Variants in PAPPA2 observed in about 807,000 individuals in gnomAD.
The protein encoded by PAPPA2 is pappalysin 2.
PAPPA2 carries 86 observed loss-of-function variants against 176.4 expected under a neutral mutation model. That is an observed-to-expected ratio of 0.49 (90% CI 0.41 to 0.58). PAPPA2 has a LOEUF of 0.58. PAPPA2 is among the 20% of genes least tolerant of loss of function. The pLI is 0.00. For missense variants in PAPPA2, 2,073 were observed against 2,256.9 expected (o/e 0.92, Z 1.65); for synonymous variants, 809 against 852.2 (o/e 0.95, Z 0.88).
At chr1:176,630,096 A>G (rs866063705) in intron 3 of PAPPA2, among the ~76,000 whole-genome samples, 16 of 152,132 alleles carry the variant, frequency 1.1e-4, no homozygotes, top group African/African-American at 3.6e-4. Context: ...TGTCAAATAT[A>G]TGCCGACTAA....
intron 2 of PAPPA2, among the ~76,000 whole-genome samples, chr1:176,588,805 C>T (rs1653481751): frequency 6.6e-6 from 1 of 152,154 alleles, no homozygotes; most frequent in South Asian, 2.1e-4. Flanking sequence ...TGTGGGCATA[C>T]AGCTGCTTGG....
At chr1:176,575,893 G>A (rs183381253) in intron 2 of PAPPA2, among the ~76,000 whole-genome samples, 1 of 152,274 alleles carries the variant, frequency 6.6e-6, no homozygotes, top group African/African-American at 2.4e-5. Context: ...CATACATATT[G>A]TCCCAGAACT....
intron 1 of PAPPA2, among the ~76,000 whole-genome samples, chr1:176,464,688 C>G (rs1325213183): frequency 6.6e-6 from 1 of 152,188 alleles, no homozygotes; most frequent in Admixed American, 6.5e-5. Flanking sequence ...GGACATGGCT[C>G]TCCGCATAGT....
chr1:176,661,172 A>G (rs1658339395), intron 3 of PAPPA2, among the ~76,000 whole-genome samples: 1 of 152,078 alleles, frequency 6.6e-6, no homozygotes, highest in African/African-American at 2.4e-5. Flanking sequence ...CCTTTCTACC[A>G]TGAGAATGAA....
chr1:176,765,563 TTC>T, intron 14 of PAPPA2, 101 bp from the exon 15 acceptor site: 1 of 1,111,948 alleles, frequency 9.0e-7, no homozygotes, highest in South Asian at 1.5e-5. Flanking sequence ...GAGAAAATTG[TTC>T]TCTCTGGTTT....
At chr1:176,717,766 A>G (rs1661443664) in intron 12 of PAPPA2, among the ~76,000 whole-genome samples, 1 of 152,242 alleles carries the variant, frequency 6.6e-6, no homozygotes, top group Admixed American at 6.5e-5. Context: ...TTCTGTTACT[A>G]TATTAACTCA....
At chr1:176,564,452 CTT>C (rs1000917083) in intron 2 of PAPPA2, among the ~76,000 whole-genome samples, 6 of 152,320 alleles carry the variant, frequency 3.9e-5, no homozygotes, top group African/African-American at 1.4e-4. Flanking sequence ...TCCAATAAAA[CTT>C]TATTCACAAA....
In PAPPA2 at chr1:176,699,120, C is replaced by A. The variant is rs765962496; in HGVS notation, c.2767C>A (p.Pro923Thr). The A allele has an allele frequency of 1.2e-5, 20 of 1,613,398 alleles. No homozygotes were observed. The highest frequency in any genetic ancestry group is 5.0e-5 in the Admixed American group (3 of 59,986). Residue 923 changes from proline (P) to threonine (T), a missense_variant, in exon 8 of 23, where the codon CCC (proline) becomes ACC (threonine). Physicochemically the swap from Pro to Thr is conservative, Grantham distance 38. This residue lies in a region of PAPPA2 where 1,196 missense variants were observed against 1,330.4 expected (regional missense o/e 0.90). Coordinates refer to ENST00000367662, the MANE Select transcript of PAPPA2 (RefSeq NM_020318.3). ...EAVGPPDVDQ[P>T]CEPSLQAWSP... ...CCCAGGGCCTCCTGATGTGGATCAG[C>A]CCTGCGAGCCAAGCTTACAGGCCTG...
chr1:176,475,092 T>C (rs1461844116), intron 1 of PAPPA2, among the ~76,000 whole-genome samples: 1 of 152,210 alleles, frequency 6.6e-6, no homozygotes, highest in Admixed American at 6.5e-5. Context: ...ATATTTTTTA[T>C]ATTGATAATC....
Position 176,556,339 on chromosome 1 carries a change from TC to T in PAPPA2, c.19del (p.Leu7Ter). 1 of 1,613,856 alleles carries T rather than the reference TC, an allele frequency of 6.2e-7. No individual in the cohort carries two copies. Among genetic ancestry groups the T allele is most frequent in the Admixed American group, 1.7e-5 (1 of 59,992 alleles). MMCLK[I>X]LRISLAILAG... Reference sequence around the variant, plus strand: ...AGGGGAGGTATGATGTGCTTAAAGATCCTAAGAATAAGCCTGGCGATTTTGG... The same window carrying T: ...AGGGGAGGTATGATGTGCTTAAAGATCTAAGAATAAGCCTGGCGATTTTGG... On this transcript the variant is annotated frameshift_variant, in exon 2 of 23. Coordinates refer to ENST00000367662, the MANE Select transcript of PAPPA2 (RefSeq NM_020318.3). LOFTEE classifies it high-confidence loss of function.
intron 21 of PAPPA2, among the ~76,000 whole-genome samples, chr1:176,817,014 T>C (rs1222836979): frequency 2.0e-5 from 3 of 152,076 alleles, no homozygotes; most frequent in Non-Finnish European, 2.9e-5. Context: ...AATATAAAGG[T>C]AATCAATAGA....
At chr1:176,692,564 C>T (rs1054629058) in intron 6 of PAPPA2, among the ~76,000 whole-genome samples, 1 of 152,182 alleles carries the variant, frequency 6.6e-6, no homozygotes, top group Non-Finnish European at 1.5e-5. Context: ...AGAGCCTGAC[C>T]GATGTGACAG....
intron 12 of PAPPA2, among the ~76,000 whole-genome samples, chr1:176,720,748 A>G (rs1318899431): frequency 6.6e-6 from 1 of 151,910 alleles, no homozygotes; most frequent in Non-Finnish European, 1.5e-5. Flanking sequence ...CAAGCGGGAG[A>G]CCTGGGATGC....
chr1:176,712,345 T>C lies in PAPPA2; in HGVS notation c.3798+364T>C, dbSNP rs545267107. Among the ~76,000 whole-genome samples the C allele has an allele frequency of 3.1e-4, 47 of 152,302 alleles. No homozygotes were observed. In the South Asian group the frequency reaches 9.3e-3, roughly 30 times the overall value. On this transcript the variant is annotated intron_variant, in intron 12 of 22. Transcript: ENST00000367662. ...TCCAAGGCTCTCTCATGTCCCCTCT[T>C]AGTTATTACACCACTGAGGTGGATA...
intron 3 of PAPPA2, among the ~76,000 whole-genome samples, chr1:176,650,342 A>G (rs1240374143): frequency 6.8e-6 from 1 of 148,142 alleles, no homozygotes; most frequent in East Asian, 2.0e-4. Flanking sequence ...TTGTTCAGCC[A>G]CTGTATGTCT....
Position 176,557,097 on chromosome 1 carries a change from G to A in PAPPA2, c.775G>A (p.Gly259Arg), listed in dbSNP as rs1443167858. ...REAETFNSQV[G>R]LPILYFSGRR... Reference sequence around the variant, plus strand: ...AGCAGAGACCTTTAACTCCCAAGTAGGACTGCCCATCTTATACTTCTCTGG... The same window carrying A: ...AGCAGAGACCTTTAACTCCCAAGTAAGACTGCCCATCTTATACTTCTCTGG... The change falls in exon 2 of 23, where the codon GGA becomes AGA. Residue 259 changes from glycine (G) to arginine (R), a missense_variant. Transcript: ENST00000367662. The A allele has an allele frequency of 1.9e-6, 3 of 1,613,848 alleles. No individual in the cohort carries two copies. The highest frequency in any genetic ancestry group is 2.7e-5 in the African/African-American group (2 of 74,830).
intron 19 of PAPPA2, 111 bp downstream of exon 19, chr1:176,791,593 G>A (rs1277030346): frequency 1.6e-5 from 21 of 1,297,016 alleles, no homozygotes; most frequent in South Asian, 3.1e-5. Context: ...TTGCTCTGTC[G>A]CCCAGGCTGG....
intron 1 of PAPPA2, among the ~76,000 whole-genome samples, chr1:176,493,209 G>A (rs1647387504): frequency 6.6e-6 from 1 of 152,236 alleles, no homozygotes; most frequent in African/African-American, 2.4e-5. Context: ...GAACTTTGAA[G>A]TAGAGTGAGG....
chr1:176,542,375 A>G (rs80106993), intron 1 of PAPPA2, among the ~76,000 whole-genome samples: 1 of 152,182 alleles, frequency 6.6e-6, no homozygotes, highest in Non-Finnish European at 1.5e-5. Context: ...TAAAAAAAAA[A>G]TGTAGGATTG....
Sources: allele counts gnomAD v4.1 joint callset (sites outside exome capture counted in the v4.1 genomes callset), GRCh38; gene constraint gnomAD v4.1.1; regional missense constraint gnomAD v4.1.1; transcripts MANE v1.5; gene names NCBI Gene and HGNC (gene_info 2026-07-23, HGNC 2026-07-21).